Variants in ZNF554 observed in about 807,000 individuals in gnomAD.
The protein encoded by ZNF554 is zinc finger protein 554.
Under a neutral mutation model 21.2 loss-of-function variants are expected in ZNF554, and 15 were observed. That is an observed-to-expected ratio of 0.71 (90% CI 0.47 to 1.09). ZNF554 has a LOEUF of 1.09. Among genes scored for constraint, ZNF554 ranks in the 50% least tolerant of loss-of-function variants. The pLI is 0.00. For synonymous variants in ZNF554, 258 were observed against 251.4 expected (o/e 1.03, Z -0.25); for missense variants, 691 against 662.7 (o/e 1.04, Z -0.47).
At position 2,828,656 on chromosome 19, in the gene ZNF554, CAG is replaced by C. The variant is rs546870063; in HGVS notation, c.253+916_253+917del. 2.8e-5 allele frequency among the ~76,000 whole-genome samples: 4 copies of C among 143,156 alleles called. No homozygotes were observed. In the South Asian group the frequency reaches 8.9e-4, roughly 32 times the overall value. The allele number at this position is 143,156 out of a possible 152,430, so 93.9% of individuals were successfully genotyped here. On this transcript the variant is annotated intron_variant, in intron 3 of 4. Coordinates refer to ENST00000317243, the MANE Select transcript of ZNF554 (RefSeq NM_001102651.2). ...CACCACTGCACTCCAGCCTGGGTGA[CAG>C]AGCAAGACTCCGTCTCAAGAAAAAA...
chr19:2,834,446 G>A lies in ZNF554; in HGVS notation c.1211G>A (p.Gly404Glu). Residue 404 changes from glycine to glutamate, a missense_variant, in exon 5 of 5, where the codon GGG (glycine) becomes GAG (glutamate). Gly to Glu is a moderately conservative substitution (Grantham distance 98). Transcript: ENST00000317243. ...SLTQHQRIHT[G>E]EKPYKCEDCG... is the part of the protein sequence containing the mutation. Reference sequence around the variant, plus strand: ...ACTCAGCATCAGAGGATTCACACCGGGGAAAAGCCCTATAAATGTGAAGAC... The same window carrying A: ...ACTCAGCATCAGAGGATTCACACCGAGGAAAAGCCCTATAAATGTGAAGAC... The A allele has an allele frequency of 6.2e-7, 1 of 1,614,004 alleles. No homozygotes were observed. Among genetic ancestry groups the A allele is most frequent in the Non-Finnish European group, 8.5e-7 (1 of 1,180,014 alleles).
chr19:2,825,936 T>C (rs2087325859), intron 2 of ZNF554, among the ~76,000 whole-genome samples: 1 of 152,222 alleles, frequency 6.6e-6, no homozygotes, highest in East Asian at 1.9e-4. Flanking sequence ...GTTTCACTCT[T>C]GTTGCCCAGG....
intron 2 of ZNF554, among the ~76,000 whole-genome samples, chr19:2,823,778 T>C (rs1214096570): frequency 1.3e-5 from 2 of 152,114 alleles, no homozygotes; most frequent in Non-Finnish European, 2.9e-5. Context: ...CCTCTGGCCG[T>C]CCTCTGCCCT....
chr19:2,826,716 C>G (rs1463676789), intron 2 of ZNF554, among the ~76,000 whole-genome samples: 1 of 150,124 alleles, frequency 6.7e-6, no homozygotes, highest in African/African-American at 2.5e-5. Flanking sequence ...GGCTGGAGTG[C>G]AGTGGCGTGA....
intron 2 of ZNF554, among the ~76,000 whole-genome samples, chr19:2,825,003 GTT>G (rs140025750): frequency 2.0e-3 from 197 of 97,656 alleles, no homozygotes; most frequent in South Asian, 6.6e-3. Context: ...GATTGCAGTT[GTT>G]TTTTTTTTTT....
Position 2,834,401 on chromosome 19 carries a change from T to C in ZNF554, c.1166T>C (p.Phe389Ser). Residue 389 changes from phenylalanine to serine, a missense_variant, in exon 5 of 5, where the codon TTC becomes TCC. By Grantham distance (155) the Phe-to-Ser change is radical. Coordinates refer to ENST00000317243, the MANE Select transcript of ZNF554 (RefSeq NM_001102651.2). ...GGGTGCGGTGAGTGCGGGAAAGCCT[T>C]CAACAGGATCTCATCGCTGACTCAG... ...PYGCGECGKAFNRISSLTQHQ... is the reference protein window; with the variant it reads ...PYGCGECGKASNRISSLTQHQ... 2 of 1,613,804 alleles carry C rather than the reference T, an allele frequency of 1.2e-6. No homozygotes were observed. Among genetic ancestry groups the C allele is most frequent in the Non-Finnish European group, 1.7e-6 (2 of 1,179,960 alleles).
intron 3 of ZNF554, among the ~76,000 whole-genome samples, chr19:2,830,136 T>C (rs1413435909): frequency 2.6e-5 from 4 of 152,162 alleles, no homozygotes; most frequent in African/African-American, 9.7e-5. Context: ...GGGATTTCAC[T>C]GTGTTAGCCA....
intron 3 of ZNF554, among the ~76,000 whole-genome samples, chr19:2,828,258 G>A (rs1314131368): frequency 6.6e-6 from 1 of 152,170 alleles, no homozygotes; most frequent in African/African-American, 2.4e-5. Context: ...GTTTCTCTGA[G>A]AACAGATGAC....
intron 3 of ZNF554, 58 bp downstream of exon 3, chr19:2,827,801 G>A (rs2087356201): frequency 6.2e-7 from 1 of 1,602,044 alleles, no homozygotes; most frequent in Non-Finnish European, 8.5e-7. Flanking sequence ...TGGTGTATTA[G>A]TCTGTTCTCA....
intron 3 of ZNF554, among the ~76,000 whole-genome samples, chr19:2,828,958 C>G (rs1004758068): frequency 1.3e-5 from 2 of 151,950 alleles, no homozygotes; most frequent in African/African-American, 4.8e-5. Context: ...GATTACAATT[C>G]GAGGTGAGAT....
In ZNF554 at chr19:2,834,869, T is replaced by C. The variant is rs1028170115; in HGVS notation, c.*17T>C. 17 of 1,553,022 alleles carry C rather than the reference T, an allele frequency of 1.1e-5. No individual in the cohort carries two copies. Among genetic ancestry groups the C allele is most frequent in the Non-Finnish European group, 1.5e-5 (17 of 1,147,674 alleles). On this transcript the variant is annotated 3_prime_UTR_variant, in exon 5 of 5. Transcript: ENST00000317243. Reference sequence around the variant, plus strand: ...GGATATTAGCAATTGCACGCTGCTTTGTAAGCCACTTTTTAGTACTCTGAC... The same window carrying C: ...GGATATTAGCAATTGCACGCTGCTTCGTAAGCCACTTTTTAGTACTCTGAC...
In ZNF554 at chr19:2,835,245, G is replaced by T; in HGVS notation, c.*393G>T. Reference sequence around the variant, plus strand: ...CCTAACACTTTAGGAGGCCGAGGCGGGTGGATCATGAGGTCAGGAGATCGA... The same window carrying T: ...CCTAACACTTTAGGAGGCCGAGGCGTGTGGATCATGAGGTCAGGAGATCGA... On this transcript the variant is annotated 3_prime_UTR_variant, in exon 5 of 5. Transcript: ENST00000317243. 1 of 169,930 alleles carries T rather than the reference G, an allele frequency of 5.9e-6. No homozygotes were observed. The highest frequency in any genetic ancestry group is 1.3e-5 in the Non-Finnish European group (1 of 76,930). The allele number at this position is 169,930 out of a possible 1,614,324, so 10.5% of individuals were successfully genotyped here. A position where few individuals can be genotyped will look rare whatever the true frequency, so the allele number is the denominator to read the frequency against.
At chr19:2,826,457 C>T (rs2087335554) in intron 2 of ZNF554, 1 of 152,038 alleles carries the variant, frequency 6.6e-6, no homozygotes, top group Admixed American at 6.6e-5. Flanking sequence ...CTGCCTCAGC[C>T]TCCCAAAGTG....
At chr19:2,827,183 C>G (rs753798302) in intron 2 of ZNF554, among the ~76,000 whole-genome samples, 1 of 152,192 alleles carries the variant, frequency 6.6e-6, no homozygotes, top group Non-Finnish European at 1.5e-5. Flanking sequence ...GGATAAAATT[C>G]TTCTTTCCAT....
In ZNF554 at chr19:2,827,650, T is replaced by C; in HGVS notation, c.160T>C (p.Phe54Leu). The C allele has an allele frequency of 1.2e-6, 2 of 1,613,906 alleles. No individual in the cohort carries two copies. Among genetic ancestry groups the C allele is most frequent in the Non-Finnish European group, 8.5e-7 (1 of 1,179,900 alleles). ...AACCTTTGAGGACGTGTCCATGGACTTCTCCCAGGAGGAGTGGGAGTTGCT... is the reference window on the plus strand; with the variant it reads ...AACCTTTGAGGACGTGTCCATGGACCTCTCCCAGGAGGAGTGGGAGTTGCT... ...LVTFEDVSMD[F>L]SQEEWELLEP... Residue 54 changes from phenylalanine to leucine, a missense_variant, in exon 3 of 5, where the codon TTC (phenylalanine) becomes CTC (leucine). Transcript: ENST00000317243.
intron 1 of ZNF554, among the ~76,000 whole-genome samples, chr19:2,822,757 C>G (rs1284828114): frequency 6.6e-6 from 1 of 152,102 alleles, no homozygotes; most frequent in African/African-American, 2.4e-5. Flanking sequence ...GCCTGTAGTT[C>G]CAGCCACAGG....
At chr19:2,832,616 C>G in intron 4 of ZNF554, 122 bp downstream of exon 4, 1 of 976,240 alleles carries the variant, frequency 1.0e-6, no homozygotes, top group Non-Finnish European at 1.5e-6. Flanking sequence ...TTCTCGGACA[C>G]CTTCAGTTCA....
intron 4 of ZNF554, 105 bp from the exon 5 acceptor site, chr19:2,833,576 C>G: frequency 1.1e-6 from 1 of 899,738 alleles, no homozygotes; most frequent in South Asian, 2.3e-5. Context: ...ATTTGAACAT[C>G]AGTCCGCACA....
intron 3 of ZNF554, 135 bp from the exon 4 acceptor site, chr19:2,832,168 C>T (rs570689654): frequency 5.7e-5 from 43 of 754,334 alleles, no homozygotes; most frequent in South Asian, 1.1e-4. Context: ...TCAGGTGATC[C>T]GCCTGCCTCG....
Sources: allele counts gnomAD v4.1 joint callset (sites outside exome capture counted in the v4.1 genomes callset), GRCh38; gene constraint gnomAD v4.1.1; transcripts MANE v1.5; gene names NCBI Gene and HGNC (gene_info 2026-07-23, HGNC 2026-07-21).